ANK2: variants seen among roughly 807,000 people sequenced by gnomAD.
ANK2 encodes the protein ankyrin-2.
ANK2 carries 83 observed loss-of-function variants against 360.5 expected under a neutral mutation model. The observed-to-expected ratio is 0.23, with a 90% confidence interval of 0.19 to 0.28. The LOEUF (loss-of-function observed/expected upper bound fraction) is 0.28, where lower values mean the gene tolerates loss of function less well. Ranked by LOEUF, ANK2 falls within the 10% of genes least tolerant of loss-of-function variation. The pLI, the probability that ANK2 is intolerant of heterozygous loss-of-function variation, is 1.00. For synonymous variants in ANK2, 1,740 were observed against 1,759.5 expected (o/e 0.99, Z 0.28); for missense variants, 4,201 against 4,795.7 (o/e 0.88, Z 3.66).
At chr4:112,956,791 G>T (rs988216615) in intron 2 of ANK2, among the ~76,000 whole-genome samples, 9 of 152,266 alleles carry the variant, frequency 5.9e-5, no homozygotes, top group Middle Eastern at 3.4e-3. Context: ...CGTTAGAAAT[G>T]ATCCCTAAGT....
intron 2 of ANK2, among the ~76,000 whole-genome samples, chr4:112,972,420 G>A (rs1265417512): frequency 2.0e-5 from 3 of 152,014 alleles, no homozygotes; most frequent in African/African-American, 7.3e-5. Flanking sequence ...AATTACTACT[G>A]TTATTATGTA....
At position 113,222,397 on chromosome 4, in the gene ANK2, T is replaced by C. The variant is rs1316024785; in HGVS notation, c.385-9764T>C. On this transcript the variant is annotated intron_variant, in intron 4 of 45. Transcript: ENST00000357077. ...ACAGGTGTTCTCTGAAACAATTTTT[T>C]TTTTTTTTTTTTTTTTGGCAACAGG... is the stretch of plus-strand genomic sequence containing the variant. Among the ~76,000 whole-genome samples, 4 of 151,042 alleles carry C rather than the reference T, an allele frequency of 2.6e-5. No individual in the cohort carries two copies. The East Asian group carries it at 7.8e-4, about 29-fold the overall frequency.
intron 2 of ANK2, among the ~76,000 whole-genome samples, chr4:112,907,555 G>T (rs2150964782): frequency 6.6e-6 from 1 of 152,152 alleles, no homozygotes; most frequent in Admixed American, 6.5e-5. Flanking sequence ...GAATCTGGTG[G>T]CTCCATTGAA....
At chr4:113,087,830 A>G (rs776143253) in intron 1 of ANK2, among the ~76,000 whole-genome samples, 2 of 152,008 alleles carry the variant, frequency 1.3e-5, no homozygotes, top group Non-Finnish European at 2.9e-5. Flanking sequence ...TTTTCAGGAG[A>G]TGTAATGTAT....
chr4:113,003,720 A>T (rs1205963563), intron 2 of ANK2, among the ~76,000 whole-genome samples: 1 of 152,196 alleles, frequency 6.6e-6, no homozygotes, highest in African/African-American at 2.4e-5. Context: ...CTGAATACTT[A>T]AATGTGAGAA....
chr4:113,131,173 A>C (rs1007759528), intron 1 of ANK2, among the ~76,000 whole-genome samples: 1 of 152,068 alleles, frequency 6.6e-6, no homozygotes, highest in African/African-American at 2.4e-5. Context: ...AGAGCTTGAA[A>C]CTTTCCTCTG....
intron 45 of ANK2, among the ~76,000 whole-genome samples, chr4:113,377,009 G>A (rs1364714928): frequency 1.3e-5 from 2 of 151,884 alleles, no homozygotes; most frequent in Non-Finnish European, 2.9e-5. Flanking sequence ...GGACCTGCCT[G>A]AGGCTCCTTG....
the ANK2 span, among the ~76,000 whole-genome samples, chr4:112,800,847 G>A: frequency 6.6e-6 from 1 of 152,096 alleles, no homozygotes; most frequent in Non-Finnish European, 1.5e-5. Flanking sequence ...GTAGAGACGG[G>A]TTTCACCATG....
the ANK2 span, among the ~76,000 whole-genome samples, chr4:112,772,057 C>G: frequency 1.1e-4 from 17 of 152,112 alleles, no homozygotes; most frequent in Admixed American, 2.0e-4. Context: ...TGCTGCTTCT[C>G]AGAGTCCTTC....
chr4:113,300,838 C>T (rs1191874225), intron 22 of ANK2, among the ~76,000 whole-genome samples: 1 of 152,178 alleles, frequency 6.6e-6, no homozygotes, highest in African/African-American at 2.4e-5. Flanking sequence ...CAGGGCTCTT[C>T]TGAGCCAGTT....
In ANK2 at chr4:113,358,090, C is replaced by T. The variant is rs2095917800; in HGVS notation, c.9472C>T (p.Pro3158Ser). 6 of 1,614,070 alleles carry T rather than the reference C, an allele frequency of 3.7e-6. No individual in the cohort carries two copies. Among genetic ancestry groups the T allele is most frequent in the Non-Finnish European group, 5.1e-6 (6 of 1,179,960 alleles). The change falls in exon 38 of 46, where the codon CCG becomes TCG. Residue 3158 changes from proline (P) to serine (S), a missense_variant. Pro to Ser is a moderately conservative substitution (Grantham distance 74, BLOSUM62 -1). Coordinates refer to ENST00000357077, the MANE Select transcript of ANK2 (RefSeq NM_001148.6). ...KEGATGADPLPLETSAESLAL... is the reference protein window; with the variant it reads ...KEGATGADPLSLETSAESLAL... ...AGGGGCTACTGGGGCTGATCCCCTA[C>T]CGCTGGAGACATCAGCTGAATCACT... is the stretch of plus-strand genomic sequence containing the variant.
chr4:113,198,986 T>A (rs1045653869), intron 3 of ANK2, 25 bp from the exon 4 acceptor site: 3 of 1,578,492 alleles, frequency 1.9e-6, no homozygotes, highest in African/African-American at 2.7e-5. Flanking sequence ...CCTTGAACAT[T>A]TTCTATTTTG....
intron 45 of ANK2, among the ~76,000 whole-genome samples, chr4:113,373,790 C>G (rs544732571): frequency 6.6e-6 from 1 of 152,252 alleles, no homozygotes; most frequent in East Asian, 1.9e-4. Flanking sequence ...GTGGAGACAC[C>G]GTGTAGAAAC....
chr4:113,357,689 C>T lies in ANK2; in HGVS notation c.9071C>T (p.Thr3024Ile), dbSNP rs1377745228. 6.2e-7 allele frequency: 1 copy of T among 1,614,020 alleles called. No homozygotes were observed. Among genetic ancestry groups the T allele is most frequent in the African/African-American group, 1.3e-5 (1 of 74,930 alleles). Residue 3024 changes from threonine (T) to isoleucine (I), a missense_variant, in exon 38 of 46, where the codon ACA becomes ATA. Physicochemically the swap from Thr to Ile is moderately conservative, Grantham distance 89. This residue lies in a region of ANK2 where 2,642 missense variants were observed against 2,714.5 expected (regional missense o/e 0.97). Transcript: ENST00000357077. Reference sequence around the variant, plus strand: ...GAGCCTACTATGTCCGCTACAACAACAGTTGTTGGTGAACAAATAAGCAAA... The same window carrying T: ...GAGCCTACTATGTCCGCTACAACAATAGTTGTTGGTGAACAAATAAGCAAA... The part of the protein sequence containing the change: ...SFEPTMSATT[T>I]VVGEQISKVI...
intron 2 of ANK2, among the ~76,000 whole-genome samples, chr4:113,174,866 A>G (rs768245018): frequency 6.6e-6 from 1 of 152,194 alleles, no homozygotes; most frequent in Non-Finnish European, 1.5e-5. Flanking sequence ...GACTATATGC[A>G]CTTTACTCAT....
At chr4:113,058,881 C>A (rs646863) in intron 1 of ANK2, among the ~76,000 whole-genome samples, 36,044 of 151,818 alleles carry the variant, frequency 0.24, 6,356 homozygotes, top group African/African-American at 0.5. Context: ...TAACAAAGTA[C>A]CTTAGAGTGA....
At chr4:113,333,235 GA>G in intron 29 of ANK2, 27 bp downstream of exon 29, 1 of 1,613,474 alleles carries the variant, frequency 6.2e-7, no homozygotes, top group Non-Finnish European at 8.5e-7. Context: ...CGTTTTAAAA[GA>G]AATCTAAACT....
intron 18 of ANK2, among the ~76,000 whole-genome samples, chr4:113,283,259 G>T (rs1248879195): frequency 6.6e-6 from 1 of 152,150 alleles, no homozygotes; most frequent in Admixed American, 6.5e-5. Context: ...GAGAGAGAAA[G>T]AATGCTTCCA....
chr4:113,248,144 G>A (rs1586035085), intron 9 of ANK2, among the ~76,000 whole-genome samples: 1 of 152,136 alleles, frequency 6.6e-6, no homozygotes, highest in East Asian at 1.9e-4. Flanking sequence ...CTAGCTAAAT[G>A]GATTTCACAA....
Sources: allele counts gnomAD v4.1 joint callset (sites outside exome capture counted in the v4.1 genomes callset), GRCh38; gene constraint gnomAD v4.1.1; regional missense constraint gnomAD v4.1.1; transcripts MANE v1.5; gene names NCBI Gene and HGNC (gene_info 2026-07-23, HGNC 2026-07-21).